Variants in P2RX3 observed in about 807,000 individuals in gnomAD.
The protein encoded by P2RX3 is P2X purinoceptor 3.
A neutral mutation model predicts 51.5 loss-of-function variants in P2RX3; 41 were observed. That is an observed-to-expected ratio of 0.80 (90% CI 0.62 to 1.03). P2RX3 has a LOEUF of 1.03. P2RX3 is among the 50% of genes least tolerant of loss of function. P2RX3 has a pLI of 0.00. For synonymous variants in P2RX3, 185 were observed against 191.6 expected (o/e 0.97, Z 0.29); for missense variants, 459 against 522.1 (o/e 0.88, Z 1.18).
chr11:57,338,350 C>G, upstream of P2RX3: 3 of 454,012 alleles, frequency 6.6e-6, no homozygotes, highest in South Asian at 1.4e-4. Context: ...CGCCCTGGTC[C>G]TGGCCTCTTG....
chr11:57,368,527 C>T, intron 10 of P2RX3, 90 bp downstream of exon 10: 1 of 1,402,548 alleles, frequency 7.1e-7, no homozygotes, highest in Non-Finnish European at 1.0e-6. Context: ...CGGCAAAACT[C>T]TGCCTCTGCC....
chr11:57,371,389 A>G lies in P2RX3; in HGVS notation c.*1392A>G, dbSNP rs1856883876. Among the ~76,000 whole-genome samples, 2 of 152,376 alleles carry G rather than the reference A, an allele frequency of 1.3e-5. No individual in the cohort carries two copies. The highest frequency in any genetic ancestry group is 6.5e-5 in the Admixed American group (1 of 15,310). Reference sequence around the variant, plus strand: ...GAATGAGCCTAAAGAATGTTTCAATAGCTTCATGATAAATCTGCATCTGGC... The same window carrying G: ...GAATGAGCCTAAAGAATGTTTCAATGGCTTCATGATAAATCTGCATCTGGC... On this transcript the variant is annotated 3_prime_UTR_variant, in exon 12 of 12. Coordinates refer to ENST00000263314, the MANE Select transcript of P2RX3 (RefSeq NM_002559.5).
At chr11:57,365,073 C>T (rs1302399028) in intron 8 of P2RX3, among the ~76,000 whole-genome samples, 3 of 152,152 alleles carry the variant, frequency 2.0e-5, no homozygotes, top group Admixed American at 2.0e-4. Flanking sequence ...TGCTTGTGCC[C>T]ACGCATAGGC....
Position 57,338,739 on chromosome 11 carries a change from C to T in P2RX3, c.119+70C>T, listed in dbSNP as rs115200541. 2.3e-4 allele frequency: 236 copies of T among 1,031,424 alleles called. No homozygotes were observed. The African/African-American group carries it at 2.3e-3, about 10-fold the overall frequency. 63.9% of individuals were successfully genotyped at this position (1,031,424 alleles called of 1,614,324 possible). ...GTATCCCGTCTTCACCCTCCTGCCT[C>T]GGTGCTACCATCCAGCTTCCTGAGC... On this transcript the variant is annotated intron_variant, in intron 1 of 11. Transcript: ENST00000263314.
Position 57,370,194 on chromosome 11 carries a change from C to A in P2RX3, c.*197C>A. The A allele has an allele frequency of 1.8e-6, 1 of 562,192 alleles. No individual in the cohort carries two copies. Among genetic ancestry groups the A allele is most frequent in the Non-Finnish European group, 3.2e-6 (1 of 315,016 alleles). 34.8% of individuals were successfully genotyped at this position (562,192 alleles called of 1,614,324 possible). On this transcript the variant is annotated 3_prime_UTR_variant, in exon 12 of 12. Transcript: ENST00000263314. ...GCTCCCTGCTGAGACCCCAATCTCA[C>A]CTTCACTCCTTGCCTGGCCCCATCT... is the stretch of plus-strand genomic sequence containing the variant.
At chr11:57,347,003 A>G (rs1322590943) in intron 2 of P2RX3, 113 bp from the exon 3 acceptor site, 1 of 1,183,418 alleles carries the variant, frequency 8.5e-7, no homozygotes, top group Non-Finnish European at 1.2e-6. Context: ...TGGCCAAGTC[A>G]CTAGACACAA....
upstream of P2RX3, among the ~76,000 whole-genome samples, chr11:57,337,611 T>C (rs932421261): frequency 1.3e-4 from 20 of 152,162 alleles, 1 homozygote; most frequent in African/African-American, 4.6e-4. Flanking sequence ...TAGGTGGGAA[T>C]TGAACAATGA....
intron 8 of P2RX3, among the ~76,000 whole-genome samples, chr11:57,364,369 G>A (rs946145502): frequency 3.9e-5 from 6 of 152,198 alleles, no homozygotes; most frequent in Admixed American, 3.9e-4. Context: ...GAACTTTGGA[G>A]GCATCGGTAT....
chr11:57,341,441 C>T (rs1416419251), intron 1 of P2RX3, among the ~76,000 whole-genome samples: 1 of 152,106 alleles, frequency 6.6e-6, no homozygotes, highest in African/African-American at 2.4e-5. Context: ...CTCTCACCCC[C>T]GCCCCTGGCC....
At chr11:57,360,782 C>A (rs1465403348) in intron 8 of P2RX3, among the ~76,000 whole-genome samples, 3 of 134,368 alleles carry the variant, frequency 2.2e-5, no homozygotes, top group African/African-American at 2.6e-5. Context: ...GGTGACAGAG[C>A]GAGACTCTGT....
intron 5 of P2RX3, 56 bp from the exon 6 acceptor site, chr11:57,348,571 C>T: frequency 6.9e-7 from 1 of 1,459,682 alleles, no homozygotes; most frequent in Admixed American, 1.7e-5. Context: ...CAGGTGAAAG[C>T]CTTCATTTCC....
At chr11:57,356,530 T>A (rs1466662705) in intron 8 of P2RX3, among the ~76,000 whole-genome samples, 1 of 152,232 alleles carries the variant, frequency 6.6e-6, no homozygotes, top group African/African-American at 2.4e-5. Flanking sequence ...AGTGATCGTT[T>A]TATGTTGGAA....
chr11:57,372,139 C>T lies in P2RX3; in HGVS notation c.*2142C>T, dbSNP rs562249245. ...ATAATCACATGGACCCTCACACCAA[C>T]GCTGGTGAGTCCGCTATGGTTTGTC... On this transcript the variant is annotated 3_prime_UTR_variant, in exon 12 of 12. Transcript: ENST00000263314. Among the ~76,000 whole-genome samples the T allele has an allele frequency of 4.1e-4, 62 of 152,318 alleles. No homozygotes were observed. Among genetic ancestry groups the T allele is most frequent in the African/African-American group, 1.3e-3 (52 of 41,572 alleles).
intron 8 of P2RX3, among the ~76,000 whole-genome samples, chr11:57,360,662 G>A (rs11229011): frequency 0.14 from 21,491 of 151,648 alleles, 1,748 homozygotes; most frequent in African/African-American, 0.21. Context: ...GGGCATGGTG[G>A]TGCACACCTG....
chr11:57,338,510 A>G lies in P2RX3; in HGVS notation c.-41A>G, dbSNP rs1396982949. ...AGGACCTCCCTCTCCTGAGGCCACC[A>G]CTGGGCCCCCTTCTGAGTGTCCCCT... On this transcript the variant is annotated 5_prime_UTR_variant, in exon 1 of 12. Transcript: ENST00000263314. The G allele has an allele frequency of 6.8e-7, 1 of 1,462,680 alleles. No homozygotes were observed. The highest frequency in any genetic ancestry group is 1.4e-5 in the African/African-American group (1 of 72,346). The allele number at this position is 1,462,680 out of a possible 1,614,324, so 90.6% of individuals were successfully genotyped here.
At chr11:57,359,135 G>A (rs909210225) in intron 8 of P2RX3, among the ~76,000 whole-genome samples, 20 of 152,312 alleles carry the variant, frequency 1.3e-4, no homozygotes, top group African/African-American at 3.1e-4. Context: ...TGCCGCCCCC[G>A]CGGGAGGAAT....
intron 8 of P2RX3, among the ~76,000 whole-genome samples, chr11:57,363,837 C>T (rs1463481950): frequency 2.6e-5 from 4 of 152,178 alleles, no homozygotes; most frequent in African/African-American, 9.7e-5. Flanking sequence ...GTTCCTCCTC[C>T]CTCCACCCGG....
At chr11:57,350,189 C>G (rs557427416) in intron 7 of P2RX3, 1 of 430,774 alleles carries the variant, frequency 2.3e-6, no homozygotes, top group East Asian at 4.1e-5. Context: ...AAGCCCCAAA[C>G]GACGGGAAAG....
At chr11:57,362,205 T>C (rs1385785919) in intron 8 of P2RX3, among the ~76,000 whole-genome samples, 2 of 152,066 alleles carry the variant, frequency 1.3e-5, no homozygotes, top group Non-Finnish European at 2.9e-5. Flanking sequence ...GTCTGTGGGA[T>C]GTGTTCAGGA....
Sources: allele counts gnomAD v4.1 joint callset (sites outside exome capture counted in the v4.1 genomes callset), GRCh38; gene constraint gnomAD v4.1.1; transcripts MANE v1.5; gene names NCBI Gene and HGNC (gene_info 2026-07-23, HGNC 2026-07-21).